Variants in EIF2AK2 observed in about 807,000 individuals in gnomAD.
The protein encoded by EIF2AK2 is eukaryotic translation initiation factor 2 alpha kinase 2.
In EIF2AK2, 40 loss-of-function variants were observed where a neutral mutation model predicts 70.5. The ratio of observed to expected loss-of-function variants is 0.57; its 90% confidence interval spans 0.44 to 0.74. EIF2AK2 has a LOEUF of 0.74. EIF2AK2 is among the 30% of genes least tolerant of loss of function. The pLI is 0.00. For missense variants in EIF2AK2, 555 were observed against 644.3 expected, an observed-to-expected ratio of 0.86 and a Z score of 1.50; for synonymous variants, 198 against 220.9, an observed-to-expected ratio of 0.90 and a Z score of 0.92.
intron 5 of EIF2AK2, among the ~76,000 whole-genome samples, chr2:37,140,480 G>C (rs1190678095): frequency 6.6e-6 from 1 of 151,980 alleles, no homozygotes; most frequent in Non-Finnish European, 1.5e-5. Flanking sequence ...TTATGTTTCT[G>C]TTGGAAGCCA....
intron 3 of EIF2AK2, 103 bp downstream of exon 3, chr2:37,147,585 T>C (rs1222968302): frequency 7.2e-6 from 5 of 690,466 alleles, no homozygotes; most frequent in Middle Eastern, 2.8e-4. Flanking sequence ...GTCCTTGCGA[T>C]AGTTTGCTGA....
At chr2:37,131,312 G>T (rs1366864060) in intron 10 of EIF2AK2, among the ~76,000 whole-genome samples, 2 of 152,174 alleles carry the variant, frequency 1.3e-5, no homozygotes, top group African/African-American at 4.8e-5. Context: ...ATCCATGGGA[G>T]ATTCCCTCCA....
At chr2:37,153,785 G>C (rs1252946187) in intron 1 of EIF2AK2, among the ~76,000 whole-genome samples, 1 of 152,084 alleles carries the variant, frequency 6.6e-6, no homozygotes. Flanking sequence ...ATGCTGCTGT[G>C]AACACTGGTA....
intron 2 of EIF2AK2, chr2:37,148,473 G>A (rs930782868): frequency 2.2e-5 from 11 of 502,648 alleles, no homozygotes; most frequent in Non-Finnish European, 3.7e-5. Context: ...AGGGTGATCA[G>A]CCCGTGACCT....
chr2:37,143,942 G>T (rs1675433403), intron 4 of EIF2AK2, among the ~76,000 whole-genome samples: 1 of 152,102 alleles, frequency 6.6e-6, no homozygotes, highest in Non-Finnish European at 1.5e-5. Context: ...CATTGTATTA[G>T]AGATATTATA....
chr2:37,138,204 AT>A (rs1329678346), intron 8 of EIF2AK2, 65 bp downstream of exon 8: 22 of 1,274,994 alleles, frequency 1.7e-5, no homozygotes, highest in Non-Finnish European at 2.2e-5. Context: ...ACTGGAAGTT[AT>A]TTTTAAATGA....
chr2:37,129,769 C>T lies in EIF2AK2; in HGVS notation c.786-3358G>A, dbSNP rs1410582461. On this transcript the variant is annotated intron_variant, in intron 10 of 16. Transcript: ENST00000233057. Reference sequence around the variant, plus strand: ...ACTCTTTCTTGGTCATTCCTCATTCCCCCACTCCTTTACTAGGAAGGGACA... The same window carrying T: ...ACTCTTTCTTGGTCATTCCTCATTCTCCCACTCCTTTACTAGGAAGGGACA... 7.9e-5 allele frequency among the ~76,000 whole-genome samples: 12 copies of T among 152,194 alleles called. No individual in the cohort carries two copies. In the East Asian group the frequency reaches 2.1e-3, roughly 27 times the overall value.
intron 4 of EIF2AK2, among the ~76,000 whole-genome samples, chr2:37,142,817 A>G (rs755741478): frequency 4.6e-4 from 70 of 152,306 alleles, no homozygotes; most frequent in Non-Finnish European, 7.5e-4. Context: ...CCTGGTTTAT[A>G]ATGTTGCTGT....
intron 2 of EIF2AK2, chr2:37,148,396 G>C: frequency 3.1e-6 from 1 of 322,784 alleles, no homozygotes; most frequent in East Asian, 6.6e-5. Context: ...GGAAATGAAC[G>C]GGCAGGCAAG....
chr2:37,145,022 TAAAAGTTAA>T (rs1675478634), intron 4 of EIF2AK2, among the ~76,000 whole-genome samples: 1 of 151,344 alleles, frequency 6.6e-6, no homozygotes, highest in African/African-American at 2.4e-5. Context: ...CAACAAAGTT[TAAAAGTTAA>T]AAAAAAAAGT....
chr2:37,134,211 A>C (rs1206467723), intron 10 of EIF2AK2, among the ~76,000 whole-genome samples: 2 of 152,190 alleles, frequency 1.3e-5, no homozygotes, highest in Non-Finnish European at 2.9e-5. Flanking sequence ...AAGGTCAATC[A>C]GGCCAACACA....
rs969831593 is a variant in EIF2AK2, at chr2:37,099,954, G to C, written c.*7319C>G. 1.9e-4 allele frequency: 29 copies of C among 152,200 alleles called. No individual in the cohort carries two copies. Among genetic ancestry groups the C allele is most frequent in the African/African-American group, 6.3e-4 (26 of 41,452 alleles). 9.4% of individuals were successfully genotyped at this position (152,200 alleles called of 1,614,324 possible). On this transcript the variant is annotated 3_prime_UTR_variant, in exon 17 of 17. Coordinates refer to ENST00000233057, the MANE Select transcript of EIF2AK2 (RefSeq NM_001135651.3). ...GCATGGGCAAATCTATAGAGATGGA[G>C]AGTAGATTAGTGGTTACCTAGAGTT...
rs756603369 is a variant in EIF2AK2, at chr2:37,126,269, T to G, written c.908+20A>C. 3.8e-6 allele frequency: 6 copies of G among 1,560,936 alleles called. No individual in the cohort carries two copies. The East Asian group carries it at 1.4e-4, about 36-fold the overall frequency. On this transcript the variant is annotated intron_variant, in intron 11 of 16. Coordinates refer to ENST00000233057, the MANE Select transcript of EIF2AK2 (RefSeq NM_001135651.3). Reference sequence around the variant, plus strand: ...CAGCGTACCTTGCCATTCAAAAAAATGTAAACATTTACTACTTACTCGTTA... The same window carrying G: ...CAGCGTACCTTGCCATTCAAAAAAAGGTAAACATTTACTACTTACTCGTTA...
rs1274709385 is a variant in EIF2AK2, at chr2:37,156,398, G to A, written c.-184+510C>T. ...GATGCTGAGGTGTGGAGAAGAGGTA[G>A]GGGGTGGAGGTTCAGGGGTGAGGAT... On this transcript the variant is annotated intron_variant, in intron 1 of 16. Transcript: ENST00000233057. Among the ~76,000 whole-genome samples, 5 of 152,292 alleles carry A rather than the reference G, an allele frequency of 3.3e-5. No individual in the cohort carries two copies. The East Asian group carries it at 9.6e-4, about 29-fold the overall frequency.
intron 10 of EIF2AK2, among the ~76,000 whole-genome samples, chr2:37,130,408 C>A (rs1674899469): frequency 6.6e-6 from 1 of 152,062 alleles, no homozygotes; most frequent in Non-Finnish European, 1.5e-5. Flanking sequence ...GGCCTGGCTG[C>A]CAATATTTTA....
intron 10 of EIF2AK2, among the ~76,000 whole-genome samples, chr2:37,129,138 T>A (rs1285803878): frequency 2.6e-5 from 4 of 152,076 alleles, no homozygotes; most frequent in Non-Finnish European, 5.9e-5. Flanking sequence ...ACCTTCCATG[T>A]CTTTAACAAC....
intron 12 of EIF2AK2, among the ~76,000 whole-genome samples, chr2:37,121,728 G>A (rs888931592): frequency 6.6e-6 from 1 of 150,926 alleles, no homozygotes; most frequent in African/African-American, 2.4e-5. Flanking sequence ...AACAGGAAGA[G>A]GTAGCCAAGA....
intron 13 of EIF2AK2, chr2:37,115,072 G>C (rs1457071630): frequency 4.9e-6 from 1 of 204,528 alleles, no homozygotes; most frequent in Non-Finnish European, 9.6e-6. Flanking sequence ...TTTTGGGCCG[G>C]AGTCTCGCTC....
At chr2:37,133,687 A>C (rs1675027215) in intron 10 of EIF2AK2, among the ~76,000 whole-genome samples, 1 of 152,318 alleles carries the variant, frequency 6.6e-6, no homozygotes, top group South Asian at 2.1e-4. Context: ...TCTCACATGA[A>C]TGCCGGAGGA....
Sources: gnomAD v4.1 joint callset for allele counts (sites outside exome capture counted in the v4.1 genomes callset) on GRCh38, gnomAD v4.1.1 for gene constraint, MANE v1.5 for transcripts, NCBI Gene and HGNC (gene_info 2026-07-23, HGNC 2026-07-21) for gene names.